RABEP1: variants seen among roughly 807,000 people sequenced by gnomAD.
RABEP1 encodes the protein rabaptin, RAB GTPase binding effector protein 1.
A neutral mutation model predicts 123.4 loss-of-function variants in RABEP1; 51 were observed. The ratio of observed to expected loss-of-function variants is 0.41; its 90% CI spans 0.33 to 0.52. RABEP1 has a LOEUF of 0.52. RABEP1 is among the 20% of genes least tolerant of loss of function. RABEP1 has a pLI of 0.16. For missense variants in RABEP1, 888 were observed against 996.3 expected (o/e 0.89, Z 1.46); for synonymous variants, 347 against 355.2 (o/e 0.98, Z 0.26).
At chr17:5,372,977 C>CA (rs1162366716) in intron 12 of RABEP1, among the ~76,000 whole-genome samples, 2 of 152,168 alleles carry the variant, frequency 1.3e-5, no homozygotes, top group African/African-American at 4.8e-5. Context: ...AGGCTGGTCT[C>CA]AAACTCCTGA....
At chr17:5,344,509 G>A (rs937686993) in intron 5 of RABEP1, among the ~76,000 whole-genome samples, 7 of 151,892 alleles carry the variant, frequency 4.6e-5, no homozygotes, top group East Asian at 1.9e-4. Context: ...GCAGTGGCTC[G>A]TGCCTGTAAT....
At chr17:5,320,275 A>G (rs2075340241) in intron 2 of RABEP1, among the ~76,000 whole-genome samples, 1 of 152,136 alleles carries the variant, frequency 6.6e-6, no homozygotes, top group South Asian at 2.1e-4. Flanking sequence ...AGAATTGTAT[A>G]TCCAACAAAG....
At chr17:5,307,232 T>A (rs1404474941) in intron 1 of RABEP1, among the ~76,000 whole-genome samples, 3 of 152,120 alleles carry the variant, frequency 2.0e-5, no homozygotes, top group Non-Finnish European at 4.4e-5. Flanking sequence ...GCAGGAGAAT[T>A]GCTTGAACCT....
At chr17:5,351,524 G>C (rs774374783) in intron 7 of RABEP1, among the ~76,000 whole-genome samples, 1 of 152,150 alleles carries the variant, frequency 6.6e-6, no homozygotes, top group Non-Finnish European at 1.5e-5. Context: ...GGCAGGGCAT[G>C]GTAGCTTATG....
At chr17:5,309,836 A>G (rs1374813861) in intron 2 of RABEP1, among the ~76,000 whole-genome samples, 1 of 152,194 alleles carries the variant, frequency 6.6e-6, no homozygotes, top group Non-Finnish European at 1.5e-5. Flanking sequence ...GTGGAACAGC[A>G]TCATTATCGT....
intron 9 of RABEP1, chr17:5,362,173 T>C (rs1029445451): frequency 6.2e-6 from 1 of 161,802 alleles, no homozygotes; most frequent in African/African-American, 2.4e-5. Context: ...CTTAGAGAAT[T>C]TGTAAATTCA....
intron 8 of RABEP1, among the ~76,000 whole-genome samples, chr17:5,359,506 A>G (rs556570216): frequency 7.9e-5 from 12 of 152,304 alleles, no homozygotes; most frequent in South Asian, 4.1e-4. Context: ...AGAATGGCTT[A>G]TCCCAGTTTT....
At chr17:5,283,766 G>A (rs1162514738) in intron 1 of RABEP1, 3 of 152,142 alleles carry the variant, frequency 2.0e-5, no homozygotes, top group Admixed American at 1.3e-4. Flanking sequence ...CTGCTCTCTG[G>A]GAAATGTGCT....
chr17:5,319,063 G>C (rs1173641608), intron 2 of RABEP1, among the ~76,000 whole-genome samples: 2 of 152,036 alleles, frequency 1.3e-5, no homozygotes, highest in African/African-American at 4.8e-5. Context: ...CGGGCGTGGT[G>C]GCTCATGCCT....
intron 8 of RABEP1, among the ~76,000 whole-genome samples, chr17:5,355,184 A>T (rs1421846598): frequency 6.6e-6 from 1 of 152,204 alleles, no homozygotes; most frequent in Non-Finnish European, 1.5e-5. Context: ...CATTACCTAT[A>T]TAATTAAGCA....
At chr17:5,332,630 C>G (rs1350974292) in intron 3 of RABEP1, among the ~76,000 whole-genome samples, 3 of 127,506 alleles carry the variant, frequency 2.4e-5, no homozygotes, top group Non-Finnish European at 4.7e-5. Context: ...GATGGAATCT[C>G]GCTCTGTTGT....
At position 5,386,263 on chromosome 17, in the gene RABEP1, T is replaced by A; in HGVS notation, c.*3040T>A. 1 of 1,608,816 alleles carries A rather than the reference T, an allele frequency of 6.2e-7. No homozygotes were observed. Among genetic ancestry groups the A allele is most frequent in the Non-Finnish European group, 8.5e-7 (1 of 1,177,488 alleles). ...TTTGCTTCACCATTTCCCTTATATG[T>A]TCACCCCTGTAAAATTGTAAAGTCA... On this transcript the variant is annotated 3_prime_UTR_variant, in exon 18 of 18. Transcript: ENST00000537505.
intron 12 of RABEP1, among the ~76,000 whole-genome samples, chr17:5,369,113 G>GA (rs896731546): frequency 5.2e-4 from 76 of 145,734 alleles, no homozygotes; most frequent in Non-Finnish European, 7.3e-4. Context: ...TCTTTCAAAA[G>GA]AAAAAAAAAA....
chr17:5,350,994 T>C (rs1009787887), intron 7 of RABEP1, among the ~76,000 whole-genome samples: 5 of 152,214 alleles, frequency 3.3e-5, no homozygotes, highest in African/African-American at 1.2e-4. Context: ...AACACAAATT[T>C]GTAAACTTTC....
At chr17:5,351,762 C>T (rs1388517771) in intron 7 of RABEP1, among the ~76,000 whole-genome samples, 1 of 152,156 alleles carries the variant, frequency 6.6e-6, no homozygotes, top group Admixed American at 6.5e-5. Flanking sequence ...GATCACACCA[C>T]TGCACTTCAG....
At chr17:5,288,244 A>G (rs1011055279) in intron 1 of RABEP1, among the ~76,000 whole-genome samples, 1 of 152,092 alleles carries the variant, frequency 6.6e-6, no homozygotes, top group Non-Finnish European at 1.5e-5. Context: ...GTTTTGGAGG[A>G]TGCAGAACGA....
At chr17:5,290,804 C>T (rs187695587) in intron 1 of RABEP1, among the ~76,000 whole-genome samples, 164 of 152,182 alleles carry the variant, frequency 1.1e-3, no homozygotes, top group Middle Eastern at 3.4e-3. Context: ...ACATGTTGCC[C>T]AGGCTGGTGC....
intron 12 of RABEP1, among the ~76,000 whole-genome samples, chr17:5,370,122 C>T (rs1478113348): frequency 6.6e-6 from 1 of 152,192 alleles, no homozygotes; most frequent in African/African-American, 2.4e-5. Context: ...CTATGAACTC[C>T]AGTACATGAC....
chr17:5,288,561 A>G (rs890557600), intron 1 of RABEP1, among the ~76,000 whole-genome samples: 1 of 147,770 alleles, frequency 6.8e-6, no homozygotes, highest in East Asian at 2.0e-4. Flanking sequence ...ATGCTCGGCT[A>G]ATTTTATATT....
Sources: gnomAD v4.1 joint callset for allele counts (sites outside exome capture counted in the v4.1 genomes callset) on GRCh38, gnomAD v4.1.1 for gene constraint, MANE v1.5 for transcripts, NCBI Gene and HGNC (gene_info 2026-07-23, HGNC 2026-07-21) for gene names.